APOB: variants seen among roughly 807,000 people sequenced by gnomAD.
The protein encoded by APOB is apolipoprotein B-100.
Under a neutral mutation model 314.1 loss-of-function variants are expected in APOB, and 153 were observed. That is an observed-to-expected ratio of 0.49 (90% CI 0.43 to 0.56). The LOEUF (loss-of-function observed/expected upper bound fraction) is 0.56. Among genes scored for constraint, APOB ranks in the 20% least tolerant of loss-of-function variants. The pLI is 0.00. For synonymous variants in APOB, 2,087 were observed against 2,036.4 expected (o/e 1.02, Z -0.67); for missense variants, 5,430 against 5,350.7 (o/e 1.01, Z -0.46).
At chr2:21,024,570 A>G (rs751853478) in intron 16 of APOB, 4 of 440,142 alleles carry the variant, frequency 9.1e-6, no homozygotes, top group African/African-American at 2.0e-5. Context: ...GTGAGCCGAG[A>G]TTGTATCACT....
chr2:21,012,590 T>C lies in APOB; in HGVS notation c.4278A>G (p.Leu1426=). The C allele has an allele frequency of 6.2e-7, 1 of 1,613,646 alleles. No individual in the cohort carries two copies. The highest frequency in any genetic ancestry group is 8.5e-7 in the Non-Finnish European group (1 of 1,179,634). The stretch of plus-strand genomic sequence containing the variant: ...TATTCGAATCTAGAAATTTGTGGCG[T>C]AGAGACCCATCACATGATAGTGTGA... ...NTFTLSCDGS[L]RHKFLDSNIK... Residue 1426 remains leucine (L), a synonymous_variant, in exon 26 of 29, where the codon CTA becomes CTG. Transcript: ENST00000233242.
chr2:21,033,689 C>G (rs534143044), intron 8 of APOB, among the ~76,000 whole-genome samples, 171 bp from the exon 9 acceptor site: 87 of 152,292 alleles, frequency 5.7e-4, no homozygotes, highest in Non-Finnish European at 9.6e-4. Flanking sequence ...GACTTGTTTT[C>G]ACTGACTCAT....
At position 21,028,613 on chromosome 2, in the gene APOB, T is replaced by C. The variant is rs1228077679; in HGVS notation, c.1618-75A>G. 3 of 989,080 alleles carry C rather than the reference T, an allele frequency of 3.0e-6. No individual in the cohort carries two copies. In the East Asian group the frequency reaches 7.1e-5, roughly 23 times the overall value. The allele number at this position is 989,080 out of a possible 1,614,324, so 61.3% of individuals were successfully genotyped here. ...GAACATGCCTGGCAAACACTGGCAT[T>C]GTCTGCTAGCTCTTTCTTAAGCACA... On this transcript the variant is annotated intron_variant, in intron 12 of 28. Transcript: ENST00000233242.
At chr2:21,027,123 C>G (rs562946873) in intron 14 of APOB, among the ~76,000 whole-genome samples, 159 bp from the exon 15 acceptor site, 2 of 152,264 alleles carry the variant, frequency 1.3e-5, no homozygotes, top group South Asian at 4.2e-4. Flanking sequence ...TTATTAAAAT[C>G]TCACTAGAAT....
rs776436444 is a variant in APOB at position 21,029,930 on chromosome 2, C to A, written c.1438G>T (p.Gly480Trp). ...ATCAAATAGGTGTAATCTTCATCCC[C>A]AGTGCAGTCATCTTGAATCTGTTCC... ...LMEQIQDDCT[G>W]DEDYTYLILR... Residue 480 changes from glycine (G) to tryptophan (W), a missense_variant, in exon 11 of 29, where the codon GGG becomes TGG. By Grantham distance (184) the Gly-to-Trp change is radical. This residue lies in a region of APOB where 2,085 missense variants were observed against 2,079.7 expected (regional missense o/e 1.00). Transcript: ENST00000233242. 6.2e-7 allele frequency: 1 copy of A among 1,613,910 alleles called. No individual in the cohort carries two copies. The highest frequency in any genetic ancestry group is 1.1e-5 in the South Asian group (1 of 91,072).
rs12720847 is a variant in APOB at position 21,012,503 on chromosome 2, G to A, written c.4365C>T (p.Phe1455=). The change falls in exon 26 of 29, where the codon TTC becomes TTT. Residue 1455 remains phenylalanine (F), a synonymous_variant. Coordinates refer to ENST00000233242, the MANE Select transcript of APOB (RefSeq NM_000384.3). ...GTGGTCCCCAGGAACTAGATGCATC[G>A]AATATTAGTAAACCTTTTGAGACTG... is the stretch of plus-strand genomic sequence containing the variant. ...NNPVSKGLLI[F]DASSSWGPQM... The A allele has an allele frequency of 3.7e-3, 5,952 of 1,614,100 alleles. 176 individuals carry two copies. The African/African-American group carries it at 0.068, about 18-fold the overall frequency.
chr2:21,028,596 C>T, intron 12 of APOB, 58 bp from the exon 13 acceptor site: 1 of 1,106,442 alleles, frequency 9.0e-7, no homozygotes, highest in South Asian at 1.2e-5. Flanking sequence ...CAGAACATGC[C>T]TGGCAAACAC....
In APOB at chr2:21,009,678, A is replaced by G. The variant is rs766659611; in HGVS notation, c.7190T>C (p.Ile2397Thr). 10 of 1,613,288 alleles carry G rather than the reference A, an allele frequency of 6.2e-6. No homozygotes were observed. The highest frequency in any genetic ancestry group is 7.6e-6 in the Non-Finnish European group (9 of 1,179,628). The change falls in exon 26 of 29, where the codon ATT (isoleucine) becomes ACT (threonine). Residue 2397 changes from isoleucine to threonine, a missense_variant. Physicochemically the swap from Ile to Thr is moderately conservative, Grantham distance 89. This residue lies in a region of APOB where 3,281 missense variants were observed against 3,171.0 expected (regional missense o/e 1.03). Transcript: ENST00000233242. Reference sequence around the variant, plus strand: ...ATTAAGCTTCTTGACAGCATCATCAATAAATCCAACCAATTTCTCAAAGTA... The same window carrying G: ...ATTAAGCTTCTTGACAGCATCATCAGTAAATCCAACCAATTTCTCAAAGTA... ...KDYFEKLVGFIDDAVKKLNEL... is the reference protein window; with the variant it reads ...KDYFEKLVGFTDDAVKKLNEL...
chr2:21,018,867 C>G (rs554498403), intron 20 of APOB, 125 bp downstream of exon 20: 2 of 1,416,650 alleles, frequency 1.4e-6, no homozygotes, highest in East Asian at 2.3e-5. Context: ...TTAGAATAGG[C>G]CTGCCGCTTA....
chr2:21,011,916 C>A lies in APOB; in HGVS notation c.4952G>T (p.Gly1651Val). The A allele has an allele frequency of 6.2e-7, 1 of 1,613,970 alleles. No homozygotes were observed. The change falls in exon 26 of 29, where the codon GGA (glycine) becomes GTA (valine). Residue 1651 changes from glycine to valine, a missense_variant. Gly to Val is a moderately radical substitution (Grantham distance 109). Around this residue, in one of 3 missense-constraint regions of APOB, gnomAD observed 2,085 missense variants for 2,079.7 expected, o/e 1.00. Transcript: ENST00000233242. ...HKATLRIGQD[G>V]ISTSATTNLK... ...GTTGGTCGTTGCACTGGTAGATATT[C>A]CATCTTGGCCAATCCTTAGTGTCGC... is the stretch of plus-strand genomic sequence containing the variant.
chr2:21,029,806 A>G (rs1461123741), intron 11 of APOB, 21 bp from the exon 12 acceptor site: 1 of 1,613,842 alleles, frequency 6.2e-7, no homozygotes, highest in Non-Finnish European at 8.5e-7. Context: ...GAAAAGAAAC[A>G]AGAACCCATC....
Position 21,037,837 on chromosome 2 carries a change from G to A in APOB, c.537+121C>T, listed in dbSNP as rs1010017960. The A allele has an allele frequency of 5.1e-5, 66 of 1,283,090 alleles. 1 individual carries two copies. In the African/African-American group the frequency reaches 8.5e-4, roughly 17 times the overall value. 79.5% of individuals were successfully genotyped at this position (1,283,090 alleles called of 1,614,324 possible). ...CACCAGTATTTCACGCCAATCCAGG[G>A]CTTCCTATGTAACTAGTCATGGAGC... On this transcript the variant is annotated intron_variant, in intron 5 of 28. Coordinates refer to ENST00000233242, the MANE Select transcript of APOB (RefSeq NM_000384.3).
rs993485641 is a variant in APOB at position 21,004,971 on chromosome 2, G to A, written c.11788+109C>T. The A allele has an allele frequency of 2.1e-6, 3 of 1,443,802 alleles. No individual in the cohort carries two copies. In the South Asian group the frequency reaches 3.5e-5, roughly 17 times the overall value. The allele number at this position is 1,443,802 out of a possible 1,614,324, so 89.4% of individuals were successfully genotyped here. ...TATCTCTTTTCTTACTTAAAATTTT[G>A]TGACATTGAGTAATTGTACATCTAC... On this transcript the variant is annotated intron_variant, in intron 26 of 28. Transcript: ENST00000233242.
chr2:21,016,396 C>T (rs773748152), intron 21 of APOB, 43 bp downstream of exon 21: 7 of 1,036,170 alleles, frequency 6.8e-6, no homozygotes, highest in Non-Finnish European at 1.1e-5. Context: ...AAAGAACCAC[C>T]CAGGCCTGCA....
Position 21,004,373 on chromosome 2 carries a change from T to C in APOB, c.11983A>G (p.Lys3995Glu). Reference protein sequence around the residue: ...DLHLRYQKDKKGISTSAASPA... With the variant: ...DLHLRYQKDKEGISTSAASPA... ...GAGGCTGCTGAGGTGGAGATGCCTT[T>C]CTTGTCTTTCTGGTAGCGCAGATGG... The change falls in exon 28 of 29, where the codon AAA becomes GAA. Residue 3995 changes from lysine (K) to glutamate (E), a missense_variant. Around this residue, in one of 3 missense-constraint regions of APOB, gnomAD observed 3,281 missense variants for 3,171.0 expected, o/e 1.03. Coordinates refer to ENST00000233242, the MANE Select transcript of APOB (RefSeq NM_000384.3). 6.2e-7 allele frequency: 1 copy of C among 1,613,960 alleles called. No individual in the cohort carries two copies. The highest frequency in any genetic ancestry group is 2.2e-5 in the East Asian group (1 of 44,874).
chr2:21,003,263 C>G lies in APOB; in HGVS notation c.12159G>C (p.Gln4053His). The change falls in exon 29 of 29, where the codon CAG (glutamine) becomes CAC (histidine). Residue 4053 changes from glutamine (Q) to histidine (H), a missense_variant. By Grantham distance (24) the Gln-to-His change is conservative. Coordinates refer to ENST00000233242, the MANE Select transcript of APOB (RefSeq NM_000384.3). The part of the protein sequence containing the change: ...LRVRESDEET[Q>H]IKVNWEEEAA... ...CCTCTTCTTCCCAATTAACTTTGAT[C>G]TGAGTTTCCTCATCAGATTCCCGGA... The G allele has an allele frequency of 1.9e-6, 3 of 1,613,856 alleles. No homozygotes were observed. The highest frequency in any genetic ancestry group is 2.5e-6 in the Non-Finnish European group (3 of 1,179,940).
chr2:21,036,868 C>T (rs566540157), intron 6 of APOB, among the ~76,000 whole-genome samples: 367 of 152,246 alleles, frequency 2.4e-3, no homozygotes, highest in African/African-American at 8.5e-3. Context: ...GGAGGAAAGA[C>T]AGAGCTCTGG....
In APOB at chr2:21,008,140, T is replaced by C; in HGVS notation, c.8728A>G (p.Ile2910Val). Residue 2910 changes from isoleucine (I) to valine (V), a missense_variant, in exon 26 of 29, where the codon ATC becomes GTC. By Grantham distance (29) the Ile-to-Val change is conservative. This residue lies in a region of APOB where 3,281 missense variants were observed against 3,171.0 expected (regional missense o/e 1.03). Transcript: ENST00000233242. ...TGGCCAGCTTTCAACAGTGTCTTGA[T>C]CTCGTTGCGCAGGTCAGCCTGACTA... ...FSSQADLRNE[I>V]KTLLKAGHIA... The C allele has an allele frequency of 6.2e-7, 1 of 1,614,062 alleles. No homozygotes were observed. Among genetic ancestry groups the C allele is most frequent in the South Asian group, 1.1e-5 (1 of 91,068 alleles).
chr2:21,035,982 A>G (rs964437597), intron 6 of APOB, among the ~76,000 whole-genome samples: 1 of 152,048 alleles, frequency 6.6e-6, no homozygotes, highest in Admixed American at 6.5e-5. Flanking sequence ...AGCCCCTCAC[A>G]CACCTGCTCA....
Sources: allele counts gnomAD v4.1 joint callset (sites outside exome capture counted in the v4.1 genomes callset), GRCh38; gene constraint gnomAD v4.1.1; regional missense constraint gnomAD v4.1.1; transcripts MANE v1.5; gene names NCBI Gene and HGNC (gene_info 2026-07-23, HGNC 2026-07-21).